PLCB1: variants seen among roughly 807,000 people sequenced by gnomAD.
The protein encoded by PLCB1 is phospholipase C beta 1.
In PLCB1, 46 loss-of-function variants were observed where a neutral mutation model predicts 161.8. The ratio of observed to expected loss-of-function variants is 0.28; its 90% CI spans 0.22 to 0.36. PLCB1 has a LOEUF of 0.36. Ranked by LOEUF, PLCB1 falls within the 10% of genes least tolerant of loss-of-function variation. The pLI is 1.00. For missense variants in PLCB1, 1,016 were observed against 1,472.5 expected (o/e 0.69, Z 5.07); for synonymous variants, 517 against 503.7 (o/e 1.03, Z -0.35).
chr20:8,309,917 G>C (rs925828017), intron 2 of PLCB1, among the ~76,000 whole-genome samples: 10 of 152,034 alleles, frequency 6.6e-5, no homozygotes, highest in African/African-American at 2.4e-4. Flanking sequence ...TTTTCTTCAG[G>C]TTATATATTG....
chr20:8,639,344 G>A (rs564183926), intron 4 of PLCB1, among the ~76,000 whole-genome samples: 1 of 152,308 alleles, frequency 6.6e-6, no homozygotes, highest in African/African-American at 2.4e-5. Context: ...CCCCAACCTA[G>A]GGCCCTTTCC....
intron 2 of PLCB1, among the ~76,000 whole-genome samples, chr20:8,251,787 T>G (rs1040402322): frequency 1.3e-5 from 2 of 151,936 alleles, no homozygotes; most frequent in African/African-American, 4.8e-5. Context: ...CAAAAAGCCT[T>G]CAGAATTGGA....
At chr20:8,256,256 C>T (rs1247609913) in intron 2 of PLCB1, among the ~76,000 whole-genome samples, 1 of 152,128 alleles carries the variant, frequency 6.6e-6, no homozygotes, top group African/African-American at 2.4e-5. Flanking sequence ...TTACTTAGTG[C>T]CAATTCTATG....
At chr20:8,513,403 C>T (rs1390936206) in intron 3 of PLCB1, among the ~76,000 whole-genome samples, 1 of 152,174 alleles carries the variant, frequency 6.6e-6, no homozygotes, top group Non-Finnish European at 1.5e-5. Context: ...AGTGACAACA[C>T]GACACAGTGA....
chr20:8,696,464 C>T (rs567202355), intron 10 of PLCB1, among the ~76,000 whole-genome samples: 1 of 152,172 alleles, frequency 6.6e-6, no homozygotes, highest in South Asian at 2.1e-4. Context: ...TTCAAGATTG[C>T]TTTTGGCTGT....
At chr20:8,779,716 T>G (rs1983121393) in intron 27 of PLCB1, among the ~76,000 whole-genome samples, 1 of 152,132 alleles carries the variant, frequency 6.6e-6, no homozygotes, top group Admixed American at 6.5e-5. Flanking sequence ...TGTCATATGG[T>G]CAAGTTGAAG....
chr20:8,734,135 CAAAAAAAA>C lies in PLCB1; in HGVS notation c.2043+761_2043+768del, dbSNP rs10624037. 1.4e-4 allele frequency among the ~76,000 whole-genome samples: 8 copies of C among 57,936 alleles called. 1 individual carries two copies. The highest frequency in any genetic ancestry group is 1.3e-3 in the South Asian group (1 of 776). The allele number at this position is 57,936 out of a possible 152,430, so 38.0% of individuals were successfully genotyped here. A position where few individuals can be genotyped will look rare whatever the true frequency, so the allele number is the denominator to read the frequency against. ...AGAGCGAGAGAGCGAGACTCTGTCTCAAAAAAAAAAAAAAAAAAAAAAAAAGTTTTCAT... is the reference window on the plus strand; with the variant it reads ...AGAGCGAGAGAGCGAGACTCTGTCTCAAAAAAAAAAAAAAAAAGTTTTCAT... On this transcript the variant is annotated intron_variant, in intron 19 of 31. Coordinates refer to ENST00000338037, the MANE Select transcript of PLCB1 (RefSeq NM_015192.4).
At chr20:8,806,430 A>T (rs1328817012) in intron 31 of PLCB1, among the ~76,000 whole-genome samples, 4 of 152,088 alleles carry the variant, frequency 2.6e-5, no homozygotes, top group African/African-American at 9.7e-5. Context: ...GGAAGGGCTC[A>T]CCCACTCTCA....
intron 3 of PLCB1, among the ~76,000 whole-genome samples, chr20:8,556,991 T>TA (rs968970211): frequency 4.4e-5 from 6 of 135,506 alleles, no homozygotes; most frequent in African/African-American, 1.5e-4. Context: ...ATAAAATAAA[T>TA]AAATAAATAA....
At chr20:8,414,193 C>T (rs573113741) in intron 3 of PLCB1, among the ~76,000 whole-genome samples, 3 of 151,934 alleles carry the variant, frequency 2.0e-5, no homozygotes, top group South Asian at 4.2e-4. Flanking sequence ...TTTTCTCAAT[C>T]GTCATACTAA....
chr20:8,805,279 T>C (rs1023397031), intron 31 of PLCB1, among the ~76,000 whole-genome samples: 1 of 152,196 alleles, frequency 6.6e-6, no homozygotes, highest in African/African-American at 2.4e-5. Context: ...TACAAATCAC[T>C]GTAGAGCGAG....
intron 3 of PLCB1, among the ~76,000 whole-genome samples, chr20:8,456,601 G>A (rs1362316132): frequency 6.6e-6 from 1 of 152,092 alleles, no homozygotes; most frequent in Non-Finnish European, 1.5e-5. Context: ...ACAGAATATA[G>A]ATTTAGCACA....
intron 4 of PLCB1, among the ~76,000 whole-genome samples, chr20:8,637,040 A>C (rs1988783869): frequency 6.6e-6 from 1 of 152,048 alleles, no homozygotes; most frequent in Admixed American, 6.6e-5. Context: ...ACAAAAAAAA[A>C]AAAAAAATCA....
chr20:8,629,831 T>G (rs1988484271), intron 4 of PLCB1, among the ~76,000 whole-genome samples: 1 of 84,290 alleles, frequency 1.2e-5, no homozygotes, highest in Non-Finnish European at 2.4e-5. Context: ...CTTTCTTTCT[T>G]TCTTTCTTTC....
intron 31 of PLCB1, among the ~76,000 whole-genome samples, chr20:8,830,015 C>T (rs1298839220): frequency 1.3e-5 from 2 of 152,190 alleles, no homozygotes; most frequent in African/African-American, 2.4e-5. Flanking sequence ...AGTACTTACA[C>T]TACCAGTGGT....
chr20:8,547,965 C>T (rs1037143868), intron 3 of PLCB1, among the ~76,000 whole-genome samples: 52 of 152,238 alleles, frequency 3.4e-4, no homozygotes, highest in African/African-American at 1.2e-3. Context: ...CCCATCTCTT[C>T]CCTTAGTTAT....
chr20:8,717,055 T>G (rs2123467316), intron 13 of PLCB1, among the ~76,000 whole-genome samples: 1 of 152,338 alleles, frequency 6.6e-6, no homozygotes, highest in East Asian at 1.9e-4. Context: ...CATGGGAAAT[T>G]GATTTTCCCG....
intron 3 of PLCB1, among the ~76,000 whole-genome samples, chr20:8,519,920 A>G (rs1984283103): frequency 6.6e-6 from 1 of 152,198 alleles, no homozygotes; most frequent in Non-Finnish European, 1.5e-5. Context: ...GGCCAGAACC[A>G]TCAGTTTAAG....
chr20:8,428,058 A>G (rs1238331595), intron 3 of PLCB1, among the ~76,000 whole-genome samples: 1 of 152,162 alleles, frequency 6.6e-6, no homozygotes, highest in Non-Finnish European at 1.5e-5. Context: ...TTAATTTTAT[A>G]AAGTTTATAG....
Sources: allele counts gnomAD v4.1 joint callset (sites outside exome capture counted in the v4.1 genomes callset), GRCh38; gene constraint gnomAD v4.1.1; transcripts MANE v1.5; gene names NCBI Gene and HGNC (gene_info 2026-07-23, HGNC 2026-07-21).